The following ITSN1 variants were observed in gnomAD, a reference collection of about 807,000 sequenced individuals.
ITSN1 encodes the protein intersectin-1.
In ITSN1, 58 loss-of-function variants were observed where a neutral mutation model predicts 239.8. That is an observed-to-expected ratio of 0.24 (90% confidence interval 0.20 to 0.30). The LOEUF is 0.30. ITSN1 is among the 10% of genes least tolerant of loss of function. The pLI is 1.00. For missense variants in ITSN1, 1,558 were observed against 2,103.3 expected (o/e 0.74, Z 5.07); for synonymous variants, 780 against 770.8 (o/e 1.01, Z -0.20).
intron 4 of ITSN1, among the ~76,000 whole-genome samples, chr21:33,728,640 GC>G (rs2065976033): frequency 6.6e-6 from 1 of 152,094 alleles, no homozygotes; most frequent in Non-Finnish European, 1.5e-5. Flanking sequence ...CAGGTTCATT[GC>G]CTTTCAGGTT....
chr21:33,791,627 G>A (rs920583957), intron 16 of ITSN1, among the ~76,000 whole-genome samples: 36 of 151,800 alleles, frequency 2.4e-4, no homozygotes, highest in African/African-American at 8.5e-4. Context: ...ACTTAAATCC[G>A]GTAATCAATG....
intron 1 of ITSN1, among the ~76,000 whole-genome samples, chr21:33,715,390 T>A (rs1432564954): frequency 6.6e-6 from 1 of 152,126 alleles, no homozygotes; most frequent in African/African-American, 2.4e-5. Flanking sequence ...AAAATGGAAG[T>A]AAAACTGAAT....
chr21:33,836,435 C>G lies in ITSN1; in HGVS notation c.3470-6C>G, dbSNP rs2074608641. ...GCAGCCGCTCACCCAGCCCTGTCTC[C>G]TGCAGTGTGCCAGGTGATTGGGATG... On this transcript the variant is annotated splice_region_variant and splice_polypyrimidine_tract_variant and intron_variant, in intron 28 of 39. Transcript: ENST00000381318. 3 of 1,598,258 alleles carry G rather than the reference C, an allele frequency of 1.9e-6. No homozygotes were observed. Among genetic ancestry groups the G allele is most frequent in the Non-Finnish European group, 2.6e-6 (3 of 1,170,052 alleles).
chr21:33,849,901 C>T (rs533421049), intron 29 of ITSN1, among the ~76,000 whole-genome samples: 2 of 152,176 alleles, frequency 1.3e-5, no homozygotes, highest in East Asian at 1.9e-4. Flanking sequence ...GCCTTTGTAC[C>T]CAAAAAACTT....
rs548431087 is a variant in ITSN1 at position 33,690,628 on chromosome 21, G to C, written c.-32-28169G>C. Reference sequence around the variant, plus strand: ...AAAAAAAAATTAGCCAGGCATGGTGGTGGATGCCTGTAATCTTAGCTACTG... The same window carrying C: ...AAAAAAAAATTAGCCAGGCATGGTGCTGGATGCCTGTAATCTTAGCTACTG... On this transcript the variant is annotated intron_variant, in intron 1 of 39. Coordinates refer to ENST00000381318, the MANE Select transcript of ITSN1 (RefSeq NM_003024.3). 3.5e-3 allele frequency among the ~76,000 whole-genome samples: 526 copies of C among 148,700 alleles called. 2 individuals carry two copies. Among genetic ancestry groups the C allele is most frequent in the Non-Finnish European group, 6.1e-3 (407 of 66,942 alleles).
chr21:33,782,038 C>T lies in ITSN1; in HGVS notation c.1729C>T (p.Leu577=), dbSNP rs777491450. The T allele has an allele frequency of 1.2e-6, 2 of 1,613,620 alleles. No homozygotes were observed. Among genetic ancestry groups the T allele is most frequent in the South Asian group, 1.1e-5 (1 of 91,020 alleles). Residue 577 remains leucine, a synonymous_variant, in exon 16 of 40, where the codon CTA becomes TTA. Transcript: ENST00000381318. ...TAAAAGAGCCTTAGAAGCAAAAGAA[C>T]TAGCTCGGCAGCACCTACGAGACCA... The part of the protein sequence containing the change: ...TLKRALEAKE[L]ARQHLRDQLD...
intron 4 of ITSN1, among the ~76,000 whole-genome samples, chr21:33,725,234 C>T (rs1019526447): frequency 2.1e-5 from 3 of 140,864 alleles, no homozygotes; most frequent in Admixed American, 7.7e-5. Context: ...CTCCCGGCTT[C>T]AAGCGATTCT....
At chr21:33,736,325 T>A (rs1473285475) in intron 5 of ITSN1, among the ~76,000 whole-genome samples, 4 of 152,242 alleles carry the variant, frequency 2.6e-5, no homozygotes, top group African/African-American at 9.6e-5. Context: ...AATGATAAGC[T>A]AAGATACAGA....
chr21:33,883,759 T>C (rs2148561175), intron 36 of ITSN1, 88 bp downstream of exon 36: 2 of 1,491,034 alleles, frequency 1.3e-6, no homozygotes, highest in South Asian at 2.4e-5. Context: ...GGTGCCAATG[T>C]TTCCCAAGTG....
intron 34 of ITSN1, among the ~76,000 whole-genome samples, chr21:33,878,006 CTTTGTGTGTGTGTG>C (rs1316233151): frequency 9.7e-6 from 1 of 103,262 alleles, no homozygotes; most frequent in African/African-American, 3.7e-5. Context: ...TTCTCTCTCT[CTTTGTGTGTGTGTG>C]TGTGTGTGTG....
intron 22 of ITSN1, chr21:33,817,337 TG>T (rs1486612776): frequency 7.7e-7 from 1 of 1,304,450 alleles, no homozygotes; most frequent in Non-Finnish European, 1.0e-6. Flanking sequence ...CTTTTGCCCA[TG>T]CTGCGCCCTC....
intron 33 of ITSN1, among the ~76,000 whole-genome samples, chr21:33,872,591 G>A (rs1280532901): frequency 6.6e-6 from 1 of 152,058 alleles, no homozygotes; most frequent in Non-Finnish European, 1.5e-5. Context: ...GAGTGCAGTG[G>A]CACGATCTCA....
rs148657404 is a variant in ITSN1, at chr21:33,826,196, T to C, written c.3184-622T>C. Among the ~76,000 whole-genome samples the C allele has an allele frequency of 2.6e-4, 40 of 152,214 alleles. No individual in the cohort carries two copies. In the East Asian group the frequency reaches 7.0e-3, roughly 27 times the overall value. The stretch of plus-strand genomic sequence containing the variant: ...AAGAAATATGCTCTGCCTCTATGCA[T>C]TGATAGAGAAATTTCAATGTATAAA... On this transcript the variant is annotated intron_variant, in intron 25 of 39. Coordinates refer to ENST00000381318, the MANE Select transcript of ITSN1 (RefSeq NM_003024.3).
Position 33,689,705 on chromosome 21 carries a change from T to C in ITSN1, c.-32-29092T>C, listed in dbSNP as rs1296496240. ...AAAATAGACTAGGCATGGTGGCTCA[T>C]GCCTGTAATGCTAGCACTCGGGGAG... On this transcript the variant is annotated intron_variant, in intron 1 of 39. Transcript: ENST00000381318. Among the ~76,000 whole-genome samples, 14 of 152,094 alleles carry C rather than the reference T, an allele frequency of 9.2e-5. No individual in the cohort carries two copies. In the East Asian group the frequency reaches 2.7e-3, roughly 29 times the overall value.
At chr21:33,823,464 A>G (rs775688102) in intron 24 of ITSN1, 23 bp from the exon 25 acceptor site, 2 of 1,605,420 alleles carry the variant, frequency 1.2e-6, no homozygotes. Flanking sequence ...CTCTCTCCGT[A>G]TCTCAATATT....
intron 29 of ITSN1, among the ~76,000 whole-genome samples, chr21:33,845,695 G>A (rs1008656738): frequency 1.3e-5 from 2 of 152,168 alleles, no homozygotes; most frequent in African/African-American, 4.8e-5. Flanking sequence ...GGGCTGACTG[G>A]TTACGGAGCT....
chr21:33,741,012 A>C (rs2066816017), intron 5 of ITSN1, among the ~76,000 whole-genome samples: 1 of 152,240 alleles, frequency 6.6e-6, no homozygotes, highest in Admixed American at 6.5e-5. Flanking sequence ...GGAAGCTTAA[A>C]AGATGCTTTT....
At chr21:33,678,657 A>G (rs2090743523) in intron 1 of ITSN1, among the ~76,000 whole-genome samples, 1 of 152,208 alleles carries the variant, frequency 6.6e-6, no homozygotes. Context: ...TTTTCTTGGA[A>G]GATGAGGATT....
chr21:33,721,313 G>A, intron 3 of ITSN1, 43 bp downstream of exon 3: 1 of 1,219,904 alleles, frequency 8.2e-7, no homozygotes, highest in Non-Finnish European at 1.2e-6. Flanking sequence ...TATCAGTAGT[G>A]CAGATGTCTG....
Sources: gnomAD v4.1 joint callset for allele counts (sites outside exome capture counted in the v4.1 genomes callset) on GRCh38, gnomAD v4.1.1 for gene constraint, MANE v1.5 for transcripts, NCBI Gene and HGNC (gene_info 2026-07-23, HGNC 2026-07-21) for gene names.